The following SYP variants were observed in gnomAD, a reference collection of about 807,000 sequenced individuals.
SYP encodes the protein major synaptic vesicle protein P38.
In SYP, 2 loss-of-function variants were observed where a neutral mutation model predicts 24.3. That is an observed-to-expected ratio of 0.08 (90% CI 0.03 to 0.26). SYP has a LOEUF of 0.26. Ranked by LOEUF, SYP falls within the 10% of genes least tolerant of loss-of-function variation. SYP has a pLI of 1.00. For missense variants in SYP, 216 were observed against 266.3 expected (o/e 0.81, Z 1.32); for synonymous variants, 143 against 123.2 (o/e 1.16, Z -1.07).
At chrX:49,196,788 G>A (rs782111173) in intron 3 of SYP, among the ~76,000 whole-genome samples, 1 of 111,807 alleles carries the variant, frequency 8.9e-6, no homozygotes, top group South Asian at 3.7e-4. Flanking sequence ...AGCACCCAGT[G>A]TATTGCCCGG....
chrX:49,199,672 T>C (rs1225517451), intron 1 of SYP, among the ~76,000 whole-genome samples: 1 of 104,958 alleles, frequency 9.5e-6, no homozygotes, highest in Non-Finnish European at 2.0e-5. Context: ...TAAAACCGGA[T>C]TGTCCCCTAG....
intron 5 of SYP, among the ~76,000 whole-genome samples, chrX:49,192,074 TATATTC>T (rs1319421940): frequency 1.8e-5 from 2 of 113,098 alleles, no homozygotes; most frequent in African/African-American, 6.4e-5. Flanking sequence ...AAATTTGTAA[TATATTC>T]ATAGTAAAAT....
Position 49,197,839 on chromosome X carries a change from C to T in SYP, c.103G>A (p.Val35Ile), listed in dbSNP as rs2065533995. The change falls in exon 3 of 7, where the codon GTC (valine) becomes ATC (isoleucine). Residue 35 changes from valine to isoleucine, a missense_variant and splice_region_variant. Val to Ile is a conservative substitution (Grantham distance 29, BLOSUM62 3). Coordinates refer to ENST00000263233, the MANE Select transcript of SYP (RefSeq NM_003179.3). The stretch of plus-strand genomic sequence containing the variant: ...GTGGCAAAGGCGAAGATGGCGAAGA[C>T]CTTGGGCAGCAGGGATGGGGATGGC... ...PLGFVKVLQW[V>I]FAIFAFATCG... is the part of the protein sequence containing the mutation. 1 of 1,209,755 alleles carries T rather than the reference C, an allele frequency of 8.3e-7. No homozygotes were observed. Among genetic ancestry groups the T allele is most frequent in the East Asian group, 3.0e-5 (1 of 33,773 alleles).
chrX:49,197,545 G>T, intron 3 of SYP, 170 bp downstream of exon 3: 1 of 702,824 alleles, frequency 1.4e-6, no homozygotes, highest in Non-Finnish European at 2.1e-6. Flanking sequence ...TCACCACATA[G>T]TCCTAGAGTC....
In SYP at chrX:49,193,040, G is replaced by A. The variant is rs1557102943; in HGVS notation, c.615+232C>T. ...TGCTTATTTTACATGTCTAGGCTGG[G>A]TCTGGGATCCAGGTCTCCCAAACCT... is the stretch of plus-strand genomic sequence containing the variant. On this transcript the variant is annotated intron_variant, in intron 5 of 6. Coordinates refer to ENST00000263233, the MANE Select transcript of SYP (RefSeq NM_003179.3). 3.6e-5 allele frequency among the ~76,000 whole-genome samples: 4 copies of A among 112,395 alleles called. No individual in the cohort carries two copies. The South Asian group carries it at 1.5e-3, about 41-fold the overall frequency.
chrX:49,191,528 C>T lies in SYP; in HGVS notation c.851G>A (p.Ser284Asn), dbSNP rs782821141. ...YQPDYGQPAG[S>N]GGSGYGPQGD... ...CTGAGGCCCGTAGCCACTGCCACCG[C>T]TGCCGGCTGGTTGACCATAGTCAGG... is the stretch of plus-strand genomic sequence containing the variant. Residue 284 changes from serine to asparagine, a missense_variant, in exon 6 of 7, where the codon AGC becomes AAC. By Grantham distance (46) the Ser-to-Asn change is conservative (BLOSUM62 1). Around this residue, in one of 2 missense-constraint regions of SYP, gnomAD observed 114 missense variants for 107.9 expected, o/e 1.06. Transcript: ENST00000263233. 18 of 1,210,328 alleles carry T rather than the reference C, an allele frequency of 1.5e-5. No individual in the cohort carries two copies. The South Asian group carries it at 3.0e-4, about 20-fold the overall frequency.
In SYP at chrX:49,193,416, T is replaced by C. The variant is rs1368765434; in HGVS notation, c.471A>G (p.Ser157=). The C allele has an allele frequency of 8.2e-7, 1 of 1,212,368 alleles. No homozygotes were observed. Among genetic ancestry groups the C allele is most frequent in the Admixed American group, 2.2e-5 (1 of 46,151 alleles). The change falls in exon 5 of 7, where the codon TCA becomes TCG. Residue 157 remains serine (S), a synonymous_variant. Transcript: ENST00000263233. ...AVFAFMWLVS[S]SAWAKGLSDV... is the part of the protein sequence containing the mutation. ...CTGACAGCCCCTTGGCCCATGCCGA[T>C]GAGCTAACTAGCCACATGAAGGCGA... is the stretch of plus-strand genomic sequence containing the variant.
At chrX:49,198,843 C>G in intron 2 of SYP, 125 bp downstream of exon 2, 1 of 785,809 alleles carries the variant, frequency 1.3e-6, no homozygotes, top group Non-Finnish European at 1.9e-6. Flanking sequence ...GAGCCCAATT[C>G]CCCCATCCCC....
At chrX:49,192,922 C>T (rs1192257120) in intron 5 of SYP, among the ~76,000 whole-genome samples, 1 of 111,239 alleles carries the variant, frequency 9.0e-6, no homozygotes, top group Non-Finnish European at 1.9e-5. Flanking sequence ...CAGTCTGACT[C>T]CAGCCAGTAG....
intron 6 of SYP, chrX:49,191,031 C>T: frequency 4.2e-6 from 1 of 240,799 alleles, no homozygotes; most frequent in South Asian, 5.0e-5. Flanking sequence ...GCCTTATCAC[C>T]TATTGGCTTA....
rs1327166625 is a variant in SYP at position 49,188,617 on chromosome X, C to G, written c.*670G>C. On this transcript the variant is annotated 3_prime_UTR_variant, in exon 7 of 7. Coordinates refer to ENST00000263233, the MANE Select transcript of SYP (RefSeq NM_003179.3). The stretch of plus-strand genomic sequence containing the variant: ...CATTCTGCCTCGCTTAAAGCCTCGC[C>G]CCTTCTAGAACCCTGCCCTCAGCGC... The G allele has an allele frequency of 9.0e-6, 1 of 111,122 alleles. No homozygotes were observed. The highest frequency in any genetic ancestry group is 3.3e-5 in the African/African-American group (1 of 30,387). The allele number at this position is 111,122 out of a possible 1,213,427, so 9.2% of individuals were successfully genotyped here.
intron 6 of SYP, among the ~76,000 whole-genome samples, chrX:49,190,298 G>A (rs2065501705): frequency 9.2e-6 from 1 of 108,983 alleles, no homozygotes; most frequent in African/African-American, 3.4e-5. Context: ...TCCTGCCTCA[G>A]CCTCCAGAGT....
chrX:49,191,697 A>T lies in SYP; in HGVS notation c.682T>A (p.Trp228Arg). 3 of 1,208,203 alleles carry T rather than the reference A, an allele frequency of 2.5e-6. No homozygotes were observed. The highest frequency in any genetic ancestry group is 3.4e-6 in the Non-Finnish European group (3 of 893,893). The change falls in exon 6 of 7, where the codon TGG becomes AGG. Residue 228 changes from tryptophan to arginine, a missense_variant. By Grantham distance (101) the Trp-to-Arg change is moderately radical. Around this residue, in one of 2 missense-constraint regions of SYP, gnomAD observed 114 missense variants for 107.9 expected, o/e 1.06. Transcript: ENST00000263233. The stretch of plus-strand genomic sequence containing the variant: ...GGCGCGCGCAGGAACGGGGCGGCCC[A>T]GCCTGTCTCCTTAAACACGAACCAC... ...NLWFVFKETG[W>R]AAPFLRAPPG...
At chrX:49,194,704 CTTTTTTTTTT>C (rs34247999) in intron 3 of SYP, among the ~76,000 whole-genome samples, 16 of 57,414 alleles carry the variant, frequency 2.8e-4, no homozygotes, top group Non-Finnish European at 3.3e-4. Context: ...CCCTCATCTC[CTTTTTTTTTT>C]TTTTTTTTTT....
chrX:49,198,863 C>G (rs2065539106), intron 2 of SYP, 105 bp downstream of exon 2: 18 of 941,084 alleles, frequency 1.9e-5, no homozygotes, highest in Non-Finnish European at 2.7e-5. Context: ...CTACAACCCC[C>G]GCACTCATCC....
At chrX:49,199,757 C>T (rs1267335662) in intron 1 of SYP, among the ~76,000 whole-genome samples, 2 of 108,217 alleles carry the variant, frequency 1.8e-5, no homozygotes, top group African/African-American at 6.8e-5. Flanking sequence ...CCAGCCCTCT[C>T]CCCCATCCCC....
Position 49,191,674 on chromosome X carries a change from C to T in SYP, c.705G>A (p.Ala235=), listed in dbSNP as rs782650560. The T allele has an allele frequency of 2.5e-6, 3 of 1,205,957 alleles. No homozygotes were observed. The highest frequency in any genetic ancestry group is 2.2e-6 in the Non-Finnish European group (2 of 892,712). ...GTTGTTTCTCGGGGGCGCCGGGAGG[C>T]GCGCGCAGGAACGGGGCGGCCCAGC... is the stretch of plus-strand genomic sequence containing the variant. The part of the protein sequence containing the change: ...ETGWAAPFLR[A]PPGAPEKQPA... The change falls in exon 6 of 7, where the codon GCG becomes GCA. Residue 235 remains alanine, a synonymous_variant. Transcript: ENST00000263233.
At chrX:49,198,671 A>G in intron 2 of SYP, 1 of 352,726 alleles carries the variant, frequency 2.8e-6, no homozygotes. Flanking sequence ...TGCATCTCTC[A>G]CCCAGCATCT....
In SYP at chrX:49,193,391, C is replaced by G; in HGVS notation, c.496G>C (p.Asp166His). 4 of 1,212,362 alleles carry G rather than the reference C, an allele frequency of 3.3e-6. No individual in the cohort carries two copies. The highest frequency in any genetic ancestry group is 4.5e-6 in the Non-Finnish European group (4 of 895,583). The change falls in exon 5 of 7, where the codon GAT (aspartate) becomes CAT (histidine). Residue 166 changes from aspartate to histidine, a missense_variant. Around this residue, in one of 2 missense-constraint regions of SYP, gnomAD observed 102 missense variants for 158.4 expected, o/e 0.64. Transcript: ENST00000263233. ...SSSAWAKGLS[D>H]VKMATDPENI... ...TCTGGGTCTGTGGCCATCTTCACATCTGACAGCCCCTTGGCCCATGCCGAT... is the reference window on the plus strand; with the variant it reads ...TCTGGGTCTGTGGCCATCTTCACATGTGACAGCCCCTTGGCCCATGCCGAT...
Sources: allele counts gnomAD v4.1 joint callset (sites outside exome capture counted in the v4.1 genomes callset), GRCh38; gene constraint gnomAD v4.1.1; regional missense constraint gnomAD v4.1.1; transcripts MANE v1.5; gene names NCBI Gene and HGNC (gene_info 2026-07-23, HGNC 2026-07-21).